MCPH1: variants seen among roughly 807,000 people sequenced by gnomAD.
MCPH1 encodes microcephalin 1, also known as microcephalin.
MCPH1 carries 104 observed loss-of-function variants against 84.5 expected under a neutral mutation model. The observed-to-expected ratio is 1.23, with a 90% confidence interval of 1.05 to 1.45. The LOEUF is 1.45. MCPH1 is among the 40% of genes most tolerant of loss of function. MCPH1 has a pLI of 0.00. For synonymous variants in MCPH1, 514 were observed against 366.8 expected (o/e 1.40, Z -4.58); for missense variants, 1,498 against 1,005.7 (o/e 1.49, Z -6.62).
At chr8:6,456,268 C>T (rs942280440) in intron 9 of MCPH1, among the ~76,000 whole-genome samples, 7 of 152,164 alleles carry the variant, frequency 4.6e-5, no homozygotes, top group South Asian at 4.1e-4. Context: ...GCGTGGGCAA[C>T]ACCAAGGCAC....
intron 12 of MCPH1, chr8:6,618,473 G>A (rs1831086061): frequency 6.6e-6 from 1 of 152,162 alleles, no homozygotes; most frequent in Non-Finnish European, 1.5e-5. Context: ...TTTATTTACT[G>A]CTTATCCATA....
At chr8:6,642,481 C>G (rs759597177) in intron 13 of MCPH1, among the ~76,000 whole-genome samples, 2 of 152,148 alleles carry the variant, frequency 1.3e-5, no homozygotes, top group African/African-American at 2.4e-5. Context: ...CTATGAAGAA[C>G]AGAGTTTTAG....
Position 6,444,926 on chromosome 8 carries a change from C to T in MCPH1, c.1204C>T (p.Leu402=). 1 of 1,614,156 alleles carries T rather than the reference C, an allele frequency of 6.2e-7. No homozygotes were observed. Among genetic ancestry groups the T allele is most frequent in the Non-Finnish European group, 8.5e-7 (1 of 1,180,004 alleles). ...GCTGCAGCACGTGGCGGGACCTGCCCTGGAGGCTCTTAGCTGTGGGGAGTC... is the reference window on the plus strand; with the variant it reads ...GCTGCAGCACGTGGCGGGACCTGCCTTGGAGGCTCTTAGCTGTGGGGAGTC... The part of the protein sequence containing the change: ...DRLQHVAGPA[L]EALSCGESSY... Residue 402 remains leucine (L), a synonymous_variant, in exon 8 of 14, where the codon CTG becomes TTG. Transcript: ENST00000344683.
intron 6 of MCPH1, 31 bp from the exon 7 acceptor site, chr8:6,442,036 A>G (rs761780872): frequency 2.0e-6 from 3 of 1,469,894 alleles, no homozygotes. Context: ...CTGAAACTTT[A>G]TCTAATGCAG....
intron 12 of MCPH1, chr8:6,620,130 C>T (rs963138329): frequency 6.6e-6 from 1 of 152,164 alleles, no homozygotes; most frequent in Non-Finnish European, 1.5e-5. Flanking sequence ...GCCAAAAATA[C>T]TCACAAAGTC....
intron 12 of MCPH1, among the ~76,000 whole-genome samples, chr8:6,550,171 C>G (rs1203087788): frequency 6.6e-6 from 1 of 152,240 alleles, no homozygotes; most frequent in East Asian, 1.9e-4. Context: ...ACCTGGAAAC[C>G]CTCGCCTGGC....
intron 3 of MCPH1, among the ~76,000 whole-genome samples, chr8:6,429,732 G>C (rs1431178910): frequency 6.6e-6 from 1 of 151,876 alleles, no homozygotes; most frequent in African/African-American, 2.4e-5. Flanking sequence ...ATTCAGTTAA[G>C]GATTCCCCCT....
chr8:6,621,130 C>G (rs1265309943), intron 12 of MCPH1: 1 of 387,128 alleles, frequency 2.6e-6, no homozygotes, highest in East Asian at 6.3e-5. Context: ...AGTGAGAGTT[C>G]AGCCTAGCTA....
intron 12 of MCPH1, among the ~76,000 whole-genome samples, chr8:6,560,522 G>C (rs540153658): frequency 5.3e-5 from 8 of 152,292 alleles, no homozygotes; most frequent in African/African-American, 1.9e-4. Flanking sequence ...CGTAAACCGA[G>C]CGAGAGTGCA....
At chr8:6,408,572 C>T (rs1226751512) in intron 1 of MCPH1, among the ~76,000 whole-genome samples, 2 of 152,082 alleles carry the variant, frequency 1.3e-5, no homozygotes, top group Non-Finnish European at 2.9e-5. Flanking sequence ...AGGTCTTTCT[C>T]TGCTGCCCAG....
intron 12 of MCPH1, among the ~76,000 whole-genome samples, chr8:6,603,633 G>A (rs1435725499): frequency 1.3e-5 from 2 of 152,210 alleles, no homozygotes; most frequent in African/African-American, 4.8e-5. Context: ...GGGGATGGAA[G>A]TACCTTCCTG....
At position 6,468,905 on chromosome 8, in the gene MCPH1, A is replaced by C. The variant is rs139628611; in HGVS notation, c.1936-8689A>C. On this transcript the variant is annotated intron_variant, in intron 9 of 13. Transcript: ENST00000344683. ...TGAAACTGTTACTATAAGAAAGCTAAAGGCTGAGCACAGTGGCTCATGCTT... is the reference window on the plus strand; with the variant it reads ...TGAAACTGTTACTATAAGAAAGCTACAGGCTGAGCACAGTGGCTCATGCTT... Among the ~76,000 whole-genome samples, 218 of 152,250 alleles carry C rather than the reference A, an allele frequency of 1.4e-3. 2 individuals are homozygous for C. Among genetic ancestry groups the C allele is most frequent in the African/African-American group, 5.0e-3 (208 of 41,560 alleles).
intron 13 of MCPH1, among the ~76,000 whole-genome samples, chr8:6,635,802 A>C (rs1402110971): frequency 6.6e-6 from 1 of 152,106 alleles, no homozygotes; most frequent in African/African-American, 2.4e-5. Flanking sequence ...CTAAAATGTA[A>C]AATGCCGTGT....
In MCPH1 at chr8:6,642,866, G is replaced by T. The variant is rs192490159; in HGVS notation, c.2453-128G>T. On this transcript the variant is annotated intron_variant, in intron 13 of 13. Transcript: ENST00000344683. ...TATGTGTGCTCTATGGACGTGGGGG[G>T]GCCTATGGACAACACAGCTCTTGGC... The T allele has an allele frequency of 1.5e-4, 123 of 800,418 alleles. 1 individual carries two copies. The highest frequency in any genetic ancestry group is 1.1e-3 in the African/African-American group (65 of 59,138). The allele number at this position is 800,418 out of a possible 1,614,324, so 49.6% of individuals were successfully genotyped here.
rs192294204 is a variant in MCPH1, at chr8:6,443,126, G to C, written c.670+970G>C. ...ATTCTCCCATTAGCCTTAAGAGGTA[G>C]GTTCCATCACCATCCCATTTTGCCA... On this transcript the variant is annotated intron_variant, in intron 7 of 13. Coordinates refer to ENST00000344683, the MANE Select transcript of MCPH1 (RefSeq NM_024596.5). Among the ~76,000 whole-genome samples, 171 of 152,252 alleles carry C rather than the reference G, an allele frequency of 1.1e-3. 1 individual carries two copies. The highest frequency in any genetic ancestry group is 4.0e-3 in the African/African-American group (165 of 41,546).
At chr8:6,533,784 C>T (rs181672863) in intron 12 of MCPH1, among the ~76,000 whole-genome samples, 1 of 151,972 alleles carries the variant, frequency 6.6e-6, no homozygotes, top group African/African-American at 2.4e-5. Context: ...TATAGAGAAA[C>T]CATTCGTGGA....
intron 12 of MCPH1, among the ~76,000 whole-genome samples, chr8:6,590,843 C>T (rs1828400335): frequency 6.6e-6 from 1 of 152,180 alleles, no homozygotes; most frequent in South Asian, 2.1e-4. Context: ...TGGCTTCAGA[C>T]TCGGGCCTTT....
intron 11 of MCPH1, among the ~76,000 whole-genome samples, chr8:6,496,038 T>A (rs1811183470): frequency 6.6e-6 from 1 of 152,334 alleles, no homozygotes; most frequent in African/African-American, 2.4e-5. Flanking sequence ...TTGGGATGAT[T>A]CAAGCACATT....
rs1802981772 is a variant in MCPH1 at position 6,438,356 on chromosome 8, T to C, written c.437-597T>C. Among the ~76,000 whole-genome samples the C allele has an allele frequency of 2.7e-5, 4 of 150,600 alleles. No individual in the cohort carries two copies. In the South Asian group the frequency reaches 8.4e-4, roughly 31 times the overall value. On this transcript the variant is annotated intron_variant, in intron 5 of 13. Coordinates refer to ENST00000344683, the MANE Select transcript of MCPH1 (RefSeq NM_024596.5). ...TCCCAAAGGAGAATATATTAAATGA[T>C]TCTTGGTATTTTTTTGTTGGGGGTG... is the stretch of plus-strand genomic sequence containing the variant.
Sources: gnomAD v4.1 joint callset for allele counts (sites outside exome capture counted in the v4.1 genomes callset) on GRCh38, gnomAD v4.1.1 for gene constraint, MANE v1.5 for transcripts, NCBI Gene and HGNC (gene_info 2026-07-23, HGNC 2026-07-21) for gene names.